Variants in FAM171A1 observed in about 807,000 individuals in gnomAD.
FAM171A1 encodes protein FAM171A1.
FAM171A1 carries 23 observed loss-of-function variants against 74.9 expected under a neutral mutation model. That is an observed-to-expected ratio of 0.31 (90% CI 0.22 to 0.44). The LOEUF (loss-of-function observed/expected upper bound fraction) is 0.44. Among genes scored for constraint, FAM171A1 ranks in the 20% least tolerant of loss-of-function variants. The pLI, the probability that FAM171A1 is intolerant of heterozygous loss-of-function variation, is 1.00. For missense variants in FAM171A1, 1,162 were observed against 1,159.2 expected (o/e 1.00, Z -0.03); for synonymous variants, 527 against 505.7 (o/e 1.04, Z -0.57).
At chr10:15,337,531 C>T (rs74845521) in intron 1 of FAM171A1, among the ~76,000 whole-genome samples, 1 of 137,250 alleles carries the variant, frequency 7.3e-6, no homozygotes, top group African/African-American at 2.8e-5. Flanking sequence ...TGACTCACGC[C>T]TGTAATCCCA....
intron 1 of FAM171A1, among the ~76,000 whole-genome samples, chr10:15,341,025 A>G (rs1017877096): frequency 6.6e-6 from 1 of 152,238 alleles, no homozygotes; most frequent in Non-Finnish European, 1.5e-5. Flanking sequence ...TGTCTATGCC[A>G]GTACGTCTCA....
Position 15,214,152 on chromosome 10 carries a change from G to A in FAM171A1, c.1436C>T (p.Ser479Phe), listed in dbSNP as rs755810029. 3.1e-6 allele frequency: 5 copies of A among 1,614,128 alleles called. No homozygotes were observed. The Admixed American group carries it at 8.3e-5, about 27-fold the overall frequency. ...ACCCCTGTAGTCATCATTGCCCGAG[G>A]ACTCGTAGCCTTCTCTTTCCATAGA... Reference protein sequence around the residue: ...RKSMEREGYESSGNDDYRGSY... With the variant: ...RKSMEREGYEFSGNDDYRGSY... The change falls in exon 8 of 8, where the codon TCC (serine) becomes TTC (phenylalanine). Residue 479 changes from serine (S) to phenylalanine (F), a missense_variant. Transcript: ENST00000378116.
chr10:15,326,528 G>A (rs746758073), intron 1 of FAM171A1, among the ~76,000 whole-genome samples: 1 of 151,432 alleles, frequency 6.6e-6, no homozygotes, highest in Non-Finnish European at 1.5e-5. Context: ...TTGGTCAGGC[G>A]GTCTCGAACT....
intron 5 of FAM171A1, among the ~76,000 whole-genome samples, chr10:15,233,532 G>C (rs1834237488): frequency 6.6e-6 from 1 of 151,168 alleles, no homozygotes; most frequent in South Asian, 2.1e-4. Context: ...GTGTGTGTGT[G>C]TGTGTGTGTG....
chr10:15,262,704 G>A (rs1039130491), intron 3 of FAM171A1, among the ~76,000 whole-genome samples: 1 of 152,206 alleles, frequency 6.6e-6, no homozygotes, highest in Admixed American at 6.5e-5. Context: ...GAAGAGTTTT[G>A]CTTTGAATGG....
At chr10:15,284,196 G>A in intron 1 of FAM171A1, 91 bp from the exon 2 acceptor site, 2 of 1,153,518 alleles carry the variant, frequency 1.7e-6, no homozygotes, top group Non-Finnish European at 2.5e-6. Flanking sequence ...GTGGAAGGAG[G>A]GCTCTGTAAG....
intron 1 of FAM171A1, among the ~76,000 whole-genome samples, chr10:15,347,063 A>G (rs866869670): frequency 6.6e-6 from 1 of 152,202 alleles, no homozygotes. Context: ...TGTTAAAATT[A>G]AACAATTTTT....
chr10:15,286,341 C>T (rs1053331303), intron 1 of FAM171A1, among the ~76,000 whole-genome samples: 5 of 152,154 alleles, frequency 3.3e-5, no homozygotes, highest in African/African-American at 9.7e-5. Flanking sequence ...AGTGCAATGG[C>T]ATGATCTCAG....
chr10:15,309,261 T>C (rs1009608305), intron 1 of FAM171A1, among the ~76,000 whole-genome samples: 55 of 152,344 alleles, frequency 3.6e-4, no homozygotes, highest in African/African-American at 1.3e-3. Flanking sequence ...CAGGCTGGAG[T>C]GCAGGGGCAC....
chr10:15,327,609 C>T (rs993143290), intron 1 of FAM171A1, among the ~76,000 whole-genome samples: 2 of 152,162 alleles, frequency 1.3e-5, no homozygotes, highest in African/African-American at 2.4e-5. Flanking sequence ...CGTGATTGCA[C>T]CACTGCAGTC....
At chr10:15,331,936 C>T (rs1230511200) in intron 1 of FAM171A1, among the ~76,000 whole-genome samples, 1 of 143,176 alleles carries the variant, frequency 7.0e-6, no homozygotes, top group African/African-American at 2.5e-5. Flanking sequence ...TTATCTAGAG[C>T]ACCTGAAATT....
At chr10:15,355,339 T>A (rs1384142788) in intron 1 of FAM171A1, among the ~76,000 whole-genome samples, 1 of 152,136 alleles carries the variant, frequency 6.6e-6, no homozygotes, top group African/African-American at 2.4e-5. Flanking sequence ...CCTCCCAAGG[T>A]ATTGGGACTA....
chr10:15,333,555 A>G (rs1410294542), intron 1 of FAM171A1, among the ~76,000 whole-genome samples: 2 of 151,126 alleles, frequency 1.3e-5, no homozygotes, highest in African/African-American at 4.9e-5. Flanking sequence ...CTGGCTGGAC[A>G]TGGTGGCTCA....
At chr10:15,219,295 GAAC>G (rs960423070) in intron 6 of FAM171A1, among the ~76,000 whole-genome samples, 7 of 151,762 alleles carry the variant, frequency 4.6e-5, no homozygotes, top group Non-Finnish European at 8.8e-5. Flanking sequence ...AAAAACAAAC[GAAC>G]AACAACAACA....
chr10:15,370,709 C>T (rs1018078755), intron 1 of FAM171A1, among the ~76,000 whole-genome samples: 1 of 150,786 alleles, frequency 6.6e-6, no homozygotes, highest in South Asian at 2.1e-4. Context: ...GCTGCCCGCG[C>T]CCCCGCCCGA....
Position 15,212,994 on chromosome 10 carries a change from T to A in FAM171A1, c.2594A>T (p.Asp865Val). Residue 865 changes from aspartate (D) to valine (V), a missense_variant, in exon 8 of 8, where the codon GAT becomes GTT. Physicochemically the swap from Asp to Val is radical, Grantham distance 152. Coordinates refer to ENST00000378116, the MANE Select transcript of FAM171A1 (RefSeq NM_001010924.2). The part of the protein sequence containing the change: ...SAHEEEEDDD[D>V]DDQGEDKKSP... ...TTTCTTGTCTTCTCCTTGGTCATCA[T>A]CATCATCGTCTTCCTCTTCCTCGTG... is the stretch of plus-strand genomic sequence containing the variant. The A allele has an allele frequency of 6.2e-7, 1 of 1,614,108 alleles. No individual in the cohort carries two copies. Among genetic ancestry groups the A allele is most frequent in the Admixed American group, 1.7e-5 (1 of 60,000 alleles).
intron 5 of FAM171A1, among the ~76,000 whole-genome samples, chr10:15,229,753 TCACCATCAC>T (rs1834170478): frequency 1.5e-5 from 1 of 65,642 alleles, no homozygotes; most frequent in African/African-American, 5.0e-5. Context: ...ATCACCATCA[TCACCATCAC>T]CACCATCACC....
intron 2 of FAM171A1, among the ~76,000 whole-genome samples, chr10:15,282,026 T>C (rs1345825996): frequency 6.6e-6 from 1 of 152,190 alleles, no homozygotes; most frequent in East Asian, 1.9e-4. Context: ...AACCCCTAGA[T>C]GTATTCAGGG....
intron 1 of FAM171A1, among the ~76,000 whole-genome samples, chr10:15,296,435 G>T (rs1261650965): frequency 6.6e-6 from 1 of 151,952 alleles, no homozygotes; most frequent in Non-Finnish European, 1.5e-5. Context: ...TACATTTGAG[G>T]ACTCCCTTAT....
Sources: gnomAD v4.1 joint callset for allele counts (sites outside exome capture counted in the v4.1 genomes callset) on GRCh38, gnomAD v4.1.1 for gene constraint, MANE v1.5 for transcripts, NCBI Gene and HGNC (gene_info 2026-07-23, HGNC 2026-07-21) for gene names.